Variants in ADGRL2 observed in about 807,000 individuals in gnomAD.
ADGRL2 encodes adhesion G protein-coupled receptor L2.
Under a neutral mutation model 157.4 loss-of-function variants are expected in ADGRL2, and 44 were observed. That is an observed-to-expected ratio of 0.28 (90% CI 0.22 to 0.36). ADGRL2 has a LOEUF of 0.36. Among genes scored for constraint, ADGRL2 ranks in the 10% least tolerant of loss-of-function variants. The pLI is 1.00. For synonymous variants in ADGRL2, 585 were observed against 624.7 expected (o/e 0.94, Z 0.95); for missense variants, 1,510 against 1,768.9 (o/e 0.85, Z 2.63).
intron 2 of ADGRL2, among the ~76,000 whole-genome samples, chr1:81,867,109 G>C: frequency 6.6e-6 from 1 of 152,138 alleles, no homozygotes; most frequent in Non-Finnish European, 1.5e-5. Flanking sequence ...ATTTAAAATA[G>C]TGGTTACTTT....
chr1:81,801,797 T>A (rs918701567), intron 1 of ADGRL2, among the ~76,000 whole-genome samples: 1 of 152,142 alleles, frequency 6.6e-6, no homozygotes, highest in Non-Finnish European at 1.5e-5. Context: ...CTCCCGCCCG[T>A]CGCTTCGAAG....
intron 16 of ADGRL2, 128 bp downstream of exon 16, chr1:81,970,662 A>C (rs1172476388): frequency 3.3e-6 from 2 of 610,728 alleles, no homozygotes; most frequent in African/African-American, 3.9e-5. Context: ...GAATGGGCAT[A>C]CCGTGCACAA....
At chr1:81,953,524 A>C (rs2149103551) in intron 10 of ADGRL2, among the ~76,000 whole-genome samples, 1 of 152,300 alleles carries the variant, frequency 6.6e-6, no homozygotes, top group South Asian at 2.1e-4. Flanking sequence ...TGGGTTACTA[A>C]AAATGAAATA....
chr1:81,602,013 T>A (rs2148635449), intron 3 of ADGRL2, among the ~76,000 whole-genome samples: 1 of 152,268 alleles, frequency 6.6e-6, no homozygotes, highest in Middle Eastern at 3.4e-3. Context: ...CCAGGCACCA[T>A]TCCGAATTTT....
At chr1:81,633,117 C>A (rs2082046127) in intron 3 of ADGRL2, among the ~76,000 whole-genome samples, 1 of 152,126 alleles carries the variant, frequency 6.6e-6, no homozygotes, top group African/African-American at 2.4e-5. Context: ...ACTCTTTAGT[C>A]CCAATATACA....
intron 2 of ADGRL2, among the ~76,000 whole-genome samples, chr1:81,885,123 C>T (rs1195574689): frequency 6.6e-6 from 1 of 151,886 alleles, no homozygotes; most frequent in Non-Finnish European, 1.5e-5. Context: ...GAAAAACGAC[C>T]AATACGAATA....
intron 3 of ADGRL2, among the ~76,000 whole-genome samples, chr1:81,638,292 A>C (rs950333602): frequency 2.6e-5 from 4 of 152,190 alleles, no homozygotes; most frequent in Non-Finnish European, 5.9e-5. Flanking sequence ...TTCTTTAGAG[A>C]AAAGGAAAAT....
At chr1:81,573,171 G>A (rs936515927) in intron 2 of ADGRL2, among the ~76,000 whole-genome samples, 3 of 151,774 alleles carry the variant, frequency 2.0e-5, no homozygotes, top group African/African-American at 4.8e-5. Context: ...ATTTCCCTGG[G>A]ATCCTATTAA....
At chr1:81,686,179 C>T (rs916335178) in intron 3 of ADGRL2, among the ~76,000 whole-genome samples, 2 of 152,098 alleles carry the variant, frequency 1.3e-5, no homozygotes, top group African/African-American at 4.8e-5. Flanking sequence ...TTCCTTCTTT[C>T]TCTATCTTGT....
intron 2 of ADGRL2, among the ~76,000 whole-genome samples, chr1:81,850,870 T>G (rs2092980385): frequency 1.3e-5 from 2 of 151,938 alleles, no homozygotes; most frequent in African/African-American, 4.8e-5. Context: ...TTCAGCTAAT[T>G]CATTGAAGTT....
intron 2 of ADGRL2, among the ~76,000 whole-genome samples, chr1:81,791,089 A>T (rs2087319212): frequency 6.6e-6 from 1 of 151,278 alleles, no homozygotes; most frequent in Non-Finnish European, 1.5e-5. Flanking sequence ...AAAAAAAAAA[A>T]AAAGAATGTG....
intron 1 of ADGRL2, among the ~76,000 whole-genome samples, chr1:81,732,901 A>T (rs938759428): frequency 6.6e-6 from 1 of 152,196 alleles, no homozygotes; most frequent in African/African-American, 2.4e-5. Context: ...CCATAACAAA[A>T]CAAGCTTATG....
intron 3 of ADGRL2, among the ~76,000 whole-genome samples, chr1:81,645,497 A>T (rs2082297677): frequency 6.6e-6 from 1 of 152,064 alleles, no homozygotes; most frequent in Admixed American, 6.6e-5. Flanking sequence ...TACTACCTTC[A>T]ATCCCAGAGG....
intron 2 of ADGRL2, among the ~76,000 whole-genome samples, chr1:81,473,539 T>C (rs1005031073): frequency 2.0e-5 from 3 of 152,256 alleles, no homozygotes; most frequent in African/African-American, 7.2e-5. Flanking sequence ...ACATTTTTAA[T>C]GTGGCTACCA....
chr1:81,574,509 C>T (rs1194360346), intron 2 of ADGRL2, among the ~76,000 whole-genome samples: 2 of 152,112 alleles, frequency 1.3e-5, no homozygotes, highest in Non-Finnish European at 2.9e-5. Context: ...AATATGCTTC[C>T]CGCAGCTGAC....
At position 81,602,343 on chromosome 1, in the gene ADGRL2, C is replaced by T. The variant is rs143073900; in HGVS notation, c.-143+21363C>T. Among the ~76,000 whole-genome samples the T allele has an allele frequency of 3.7e-3, 556 of 152,160 alleles. 4 individuals are homozygous for T. The highest frequency in any genetic ancestry group is 0.011 in the African/African-American group (470 of 41,516). On this transcript the variant is annotated intron_variant, in intron 3 of 24. Transcript: ENST00000370721. Reference sequence around the variant, plus strand: ...GGTGCAGAGGCTCACGCCTGTAATCCCAGCCCTTTGGGAGGCTGAGGCAGG... The same window carrying T: ...GGTGCAGAGGCTCACGCCTGTAATCTCAGCCCTTTGGGAGGCTGAGGCAGG...
At chr1:81,886,015 A>G (rs1272227603) in intron 2 of ADGRL2, among the ~76,000 whole-genome samples, 1 of 152,204 alleles carries the variant, frequency 6.6e-6, no homozygotes, top group Non-Finnish European at 1.5e-5. Context: ...CTAGTAACTT[A>G]GTAACATTGA....
At chr1:81,529,317 G>A (rs1340609343) in intron 2 of ADGRL2, among the ~76,000 whole-genome samples, 1 of 152,176 alleles carries the variant, frequency 6.6e-6, no homozygotes, top group Non-Finnish European at 1.5e-5. Context: ...AGAATCCAGA[G>A]CATTTGGTGA....
intron 2 of ADGRL2, among the ~76,000 whole-genome samples, chr1:81,883,902 A>C (rs2094053788): frequency 6.6e-6 from 1 of 152,186 alleles, no homozygotes; most frequent in Non-Finnish European, 1.5e-5. Context: ...TGCAGATATT[A>C]AGAGAAAAAG....
Sources: allele counts gnomAD v4.1 joint callset (sites outside exome capture counted in the v4.1 genomes callset), GRCh38; gene constraint gnomAD v4.1.1; transcripts MANE v1.5; gene names NCBI Gene and HGNC (gene_info 2026-07-23, HGNC 2026-07-21).